The following MARVELD3 variants were observed in gnomAD, a reference collection of about 807,000 sequenced individuals.
MARVELD3 encodes MARVEL domain-containing protein 3.
A neutral mutation model predicts 33.5 loss-of-function variants in MARVELD3; 28 were observed. The observed-to-expected ratio is 0.84, with a 90% CI of 0.62 to 1.15. The LOEUF (loss-of-function observed/expected upper bound fraction) is 1.15. Among genes scored for constraint, MARVELD3 ranks in the 50% most tolerant of loss-of-function variants. The pLI is 0.00. For synonymous variants in MARVELD3, 241 were observed against 230.4 expected (o/e 1.05, Z -0.42); for missense variants, 582 against 547.6 (o/e 1.06, Z -0.63).
At chr16:71,629,642 TAAAAA>T (rs533759724) in intron 2 of MARVELD3, 148 bp downstream of exon 2, 30 of 325,408 alleles carry the variant, frequency 9.2e-5, no homozygotes, top group South Asian at 7.4e-4. Flanking sequence ...CTTGTTTTCT[TAAAAA>T]AAAAAAAAAA....
downstream of MARVELD3, chr16:71,640,380 C>A (rs1346017315): frequency 1.9e-6 from 3 of 1,612,130 alleles, no homozygotes; most frequent in South Asian, 3.3e-5. Context: ...CCGAATCTCT[C>A]TTCTCCTAGG....
chr16:71,639,718 A>AT, downstream of MARVELD3, among the ~76,000 whole-genome samples: 1 of 152,110 alleles, frequency 6.6e-6, no homozygotes, highest in South Asian at 2.1e-4. Context: ...AAGTGCTGAG[A>AT]TTACAGGCGT....
downstream of MARVELD3, chr16:71,641,313 C>T (rs2044617822): frequency 2.9e-6 from 1 of 345,006 alleles, no homozygotes; most frequent in South Asian, 3.4e-5. Flanking sequence ...AATCGCCGGG[C>T]ATGGTGGCTC....
In MARVELD3 at chr16:71,626,412, A is replaced by G. The variant is rs767196946; in HGVS notation, c.183A>G (p.Arg61=). ...GGGACGGGGACCGGGACCCGGAGAG[A>G]GACCAGGAGAGGGACGGGAACCGCG... The part of the protein sequence containing the change: ...RRRDGDRDPE[R]DQERDGNRDR... Residue 61 remains arginine (R), a synonymous_variant, in exon 1 of 3, where the codon AGA becomes AGG. Coordinates refer to ENST00000268485, the MANE Select transcript of MARVELD3 (RefSeq NM_052858.6). This position sits in a 1 kb window ranked among gnomAD's most constrained non-coding sequence, Gnocchi z 5.3. The G allele has an allele frequency of 6.5e-7, 1 of 1,546,408 alleles. No homozygotes were observed. Among genetic ancestry groups the G allele is most frequent in the Non-Finnish European group, 8.7e-7 (1 of 1,144,992 alleles).
rs2044580502 is a variant in MARVELD3, at chr16:71,636,240, A to C, written c.*1437A>C. 1 of 779,660 alleles carries C rather than the reference A, an allele frequency of 1.3e-6. No homozygotes were observed. Among genetic ancestry groups the C allele is most frequent in the Non-Finnish European group, 1.6e-6 (1 of 641,596 alleles). 48.3% of individuals were successfully genotyped at this position (779,660 alleles called of 1,614,324 possible). A position where few individuals can be genotyped will look rare whatever the true frequency, so the allele number is the denominator to read the frequency against. ...GATGTCCTCTTTACAATACATTTAT[A>C]ATATTCTCTTAAATACAGACAATTT... is the stretch of plus-strand genomic sequence containing the variant. On this transcript the variant is annotated 3_prime_UTR_variant, in exon 3 of 3. Coordinates refer to ENST00000268485, the MANE Select transcript of MARVELD3 (RefSeq NM_052858.6).
chr16:71,627,894 G>C (rs1341054624), intron 1 of MARVELD3, among the ~76,000 whole-genome samples: 1 of 152,194 alleles, frequency 6.6e-6, no homozygotes, highest in African/African-American at 2.4e-5. Flanking sequence ...ACTGTGAGCA[G>C]ATGGGATATC....
downstream of MARVELD3, among the ~76,000 whole-genome samples, chr16:71,639,924 T>C (rs2044605191): frequency 6.6e-6 from 1 of 152,198 alleles, no homozygotes; most frequent in South Asian, 2.1e-4. Flanking sequence ...GGTAATTTGA[T>C]TTTTCAAACA....
At chr16:71,638,173 T>C (rs1208047725), downstream of MARVELD3, 3 of 152,216 alleles carry the variant, frequency 2.0e-5, no homozygotes, top group Non-Finnish European at 4.4e-5. Flanking sequence ...TTGGGGCCTC[T>C]GTCAGTAACA....
downstream of MARVELD3, among the ~76,000 whole-genome samples, chr16:71,636,671 A>G (rs1177367576): frequency 6.6e-6 from 1 of 152,040 alleles, no homozygotes; most frequent in Non-Finnish European, 1.5e-5. Context: ...GCTTACTGCA[A>G]CCTCTGCCTC....
Position 71,626,753 on chromosome 16 carries a change from G to A in MARVELD3, c.467+57G>A. 1.5e-6 allele frequency: 2 copies of A among 1,325,626 alleles called. No individual in the cohort carries two copies. Among genetic ancestry groups the A allele is most frequent in the Non-Finnish European group, 2.0e-6 (2 of 1,024,880 alleles). 82.1% of individuals were successfully genotyped at this position (1,325,626 alleles called of 1,614,324 possible). A position where few individuals can be genotyped will look rare whatever the true frequency, so the allele number is the denominator to read the frequency against. On this transcript the variant is annotated intron_variant, in intron 1 of 2. Transcript: ENST00000268485. This position sits in a 1 kb window ranked among gnomAD's most constrained non-coding sequence, Gnocchi z 5.3. Reference sequence around the variant, plus strand: ...GCCGGGGACACCTGTGGCCCAGGCCGGCCCGCGAGGCCCTGGCGTCCCCGG... The same window carrying A: ...GCCGGGGACACCTGTGGCCCAGGCCAGCCCGCGAGGCCCTGGCGTCCCCGG...
chr16:71,639,257 G>C (rs979474437), downstream of MARVELD3: 36 of 151,540 alleles, frequency 2.4e-4, no homozygotes, highest in African/African-American at 8.7e-4. Context: ...TTTTAGTAGA[G>C]CTGGGGTTTC....
In MARVELD3 at chr16:71,634,548, C is replaced by T; in HGVS notation, c.951C>T (p.Tyr317=). ...TGGACATGCTCATCGCGGGGGGGTA[C>T]ATCCCGGCCTTGTACTTCTACTTCC... is the stretch of plus-strand genomic sequence containing the variant. The part of the protein sequence containing the change: ...GLLDMLIAGG[Y]IPALYFYFHY... The change falls in exon 3 of 3, where the codon TAC becomes TAT. Residue 317 remains tyrosine, a synonymous_variant. Coordinates refer to ENST00000268485, the MANE Select transcript of MARVELD3 (RefSeq NM_052858.6). The T allele has an allele frequency of 1.2e-6, 2 of 1,614,150 alleles. No homozygotes were observed. Among genetic ancestry groups the T allele is most frequent in the Non-Finnish European group, 1.7e-6 (2 of 1,180,038 alleles).
At chr16:71,630,814 C>A (rs1445348386) in intron 2 of MARVELD3, among the ~76,000 whole-genome samples, 1 of 152,048 alleles carries the variant, frequency 6.6e-6, no homozygotes, top group Non-Finnish European at 1.5e-5. Context: ...CTATCCCGTT[C>A]ATTAAGAACA....
At chr16:71,627,027 C>T (rs896099723) in intron 1 of MARVELD3, among the ~76,000 whole-genome samples, 10 of 152,098 alleles carry the variant, frequency 6.6e-5, no homozygotes, top group Admixed American at 1.3e-4. Flanking sequence ...ACCCCAGGCT[C>T]CTCCCCGGCC....
intron 2 of MARVELD3, among the ~76,000 whole-genome samples, chr16:71,633,110 C>G (rs575406405): frequency 6.6e-6 from 1 of 151,910 alleles, no homozygotes; most frequent in African/African-American, 2.4e-5. Context: ...CGCCTGTAAT[C>G]CCAGCACTTT....
downstream of MARVELD3, chr16:71,640,672 C>CGTT: frequency 1.2e-6 from 2 of 1,614,238 alleles, no homozygotes; most frequent in Non-Finnish European, 1.7e-6. Context: ...AAGAGTCGAA[C>CGTT]AATGTTGTCA....
Position 71,634,540 on chromosome 16 carries a change from G to C in MARVELD3, c.943G>C (p.Gly315Arg), listed in dbSNP as rs763786514. 7.4e-6 allele frequency: 12 copies of C among 1,614,146 alleles called. No individual in the cohort carries two copies. Among genetic ancestry groups the C allele is most frequent in the Middle Eastern group, 1.6e-4 (1 of 6,062 alleles). ...TEGLLDMLIA[G>R]GYIPALYFYF... ...AGGCTTGTTGGACATGCTCATCGCG[G>C]GGGGGTACATCCCGGCCTTGTACTT... Residue 315 changes from glycine (G) to arginine (R), a missense_variant, in exon 3 of 3, where the codon GGG becomes CGG. Physicochemically the swap from Gly to Arg is moderately radical, Grantham distance 125. Transcript: ENST00000268485.
chr16:71,626,851 C>A lies in MARVELD3; in HGVS notation c.467+155C>A, dbSNP rs985761889. 1 of 658,148 alleles carries A rather than the reference C, an allele frequency of 1.5e-6. No individual in the cohort carries two copies. Among genetic ancestry groups the A allele is most frequent in the Non-Finnish European group, 2.3e-6 (1 of 432,440 alleles). The allele number at this position is 658,148 out of a possible 1,614,324, so 40.8% of individuals were successfully genotyped here. On this transcript the variant is annotated intron_variant, in intron 1 of 2. Coordinates refer to ENST00000268485, the MANE Select transcript of MARVELD3 (RefSeq NM_052858.6). The surrounding 1 kb of genome is among the most constrained non-coding windows in gnomAD (Gnocchi z 5.3). The stretch of plus-strand genomic sequence containing the variant: ...TTCTGCGCTCTCAGAGGCGACCTGG[C>A]AGGGAAGGAAAACTTTAGGGTTCCC...
rs775997508 is a variant in MARVELD3, at chr16:71,634,655, G to T, written c.1058G>T (p.Gly353Val). The change falls in exon 3 of 3, where the codon GGC (glycine) becomes GTC (valine). Residue 353 changes from glycine (G) to valine (V), a missense_variant. Physicochemically the swap from Gly to Val is moderately radical, Grantham distance 109. Transcript: ENST00000268485. ...CAAAGCAAAGGCTACAGCGGTTTCG[G>T]CTGCAGTTTCCACGGAGCAGATATA... Reference protein sequence around the residue: ...LYQSKGYSGFGCSFHGADIGA... With the variant: ...LYQSKGYSGFVCSFHGADIGA... The T allele has an allele frequency of 7.4e-5, 119 of 1,614,100 alleles. No homozygotes were observed. The South Asian group carries it at 1.3e-3, about 17-fold the overall frequency.
Sources: allele counts gnomAD v4.1 joint callset (sites outside exome capture counted in the v4.1 genomes callset), GRCh38; gene constraint gnomAD v4.1.1; non-coding constraint Gnocchi (gnomAD v3.1); transcripts MANE v1.5; gene names NCBI Gene and HGNC (gene_info 2026-07-23, HGNC 2026-07-21).